CACNA2D3: variants seen among roughly 807,000 people sequenced by gnomAD.
CACNA2D3 encodes voltage-dependent calcium channel subunit alpha-2/delta-3.
Under a neutral mutation model 160.6 loss-of-function variants are expected in CACNA2D3, and 60 were observed. The ratio of observed to expected loss-of-function variants is 0.37; its 90% confidence interval spans 0.30 to 0.46. CACNA2D3 has a LOEUF of 0.46. Ranked by LOEUF, CACNA2D3 falls within the 20% of genes least tolerant of loss-of-function variation. The pLI is 1.00. For synonymous variants in CACNA2D3, 558 were observed against 492.9 expected, an observed-to-expected ratio of 1.13 and a Z score of -1.75; for missense variants, 1,205 against 1,365.0, an observed-to-expected ratio of 0.88 and a Z score of 1.85.
At chr3:54,792,533 G>A (rs1354365012) in intron 13 of CACNA2D3, among the ~76,000 whole-genome samples, 3 of 152,172 alleles carry the variant, frequency 2.0e-5, no homozygotes, top group Admixed American at 1.3e-4. Flanking sequence ...AATGCTGTCA[G>A]GAATCTGCCT....
intron 2 of CACNA2D3, among the ~76,000 whole-genome samples, chr3:54,158,869 T>C (rs900929607): frequency 9.2e-5 from 14 of 152,262 alleles, no homozygotes; most frequent in Non-Finnish European, 1.0e-4. Context: ...TCATTTGTCC[T>C]ACCTCTGTGC....
intron 4 of CACNA2D3, among the ~76,000 whole-genome samples, chr3:54,443,131 C>T (rs1384856010): frequency 6.6e-6 from 1 of 152,194 alleles, no homozygotes; most frequent in Non-Finnish European, 1.5e-5. Flanking sequence ...CAAAGGGAAA[C>T]TCTTGCAGAA....
intron 3 of CACNA2D3, among the ~76,000 whole-genome samples, chr3:54,324,678 C>T (rs993807174): frequency 2.0e-5 from 3 of 152,108 alleles, no homozygotes; most frequent in Non-Finnish European, 4.4e-5. Context: ...CTTCATTGTT[C>T]AGACATATTT....
At chr3:55,055,995 A>G (rs188301441) in intron 35 of CACNA2D3, among the ~76,000 whole-genome samples, 1 of 152,300 alleles carries the variant, frequency 6.6e-6, no homozygotes, top group East Asian at 1.9e-4. Flanking sequence ...GAAACAATTA[A>G]CAGTGTGAAT....
At position 54,246,567 on chromosome 3, in the gene CACNA2D3, TC is replaced by T. The variant is rs1702083720; in HGVS notation, c.205-73874del. Among the ~76,000 whole-genome samples the T allele has an allele frequency of 2.9e-3, 6 of 2,040 alleles. No individual in the cohort carries two copies. The African/African-American group carries it at 0.033, about 11-fold the overall frequency. The allele number at this position is 2,040 out of a possible 152,430, so 1.3% of individuals were successfully genotyped here. A position where few individuals can be genotyped will look rare whatever the true frequency, so the allele number is the denominator to read the frequency against. On this transcript the variant is annotated intron_variant, in intron 2 of 37. Transcript: ENST00000474759. ...AATTAGCCGGGCGTGGTTGCGGCTGTCTGTAATCCCAGCTACTTGGGAGGCG... is the reference window on the plus strand; with the variant it reads ...AATTAGCCGGGCGTGGTTGCGGCTGTTGTAATCCCAGCTACTTGGGAGGCG...
intron 35 of CACNA2D3, among the ~76,000 whole-genome samples, chr3:55,039,657 C>T (rs566209429): frequency 2.0e-5 from 3 of 152,310 alleles, no homozygotes; most frequent in South Asian, 4.1e-4. Flanking sequence ...CAAGATATTA[C>T]AGGCTTATTT....
intron 11 of CACNA2D3, among the ~76,000 whole-genome samples, chr3:54,726,089 A>G (rs1701270118): frequency 6.6e-6 from 1 of 152,236 alleles, no homozygotes. Flanking sequence ...CAATGTGCAG[A>G]AATCACAAGC....
At chr3:54,380,776 T>G (rs1699090694) in intron 3 of CACNA2D3, among the ~76,000 whole-genome samples, 1 of 152,158 alleles carries the variant, frequency 6.6e-6, no homozygotes, top group African/African-American at 2.4e-5. Flanking sequence ...AGGGTAACAG[T>G]TCAACCATGC....
Position 54,992,543 on chromosome 3 carries a change from TTC to T in CACNA2D3, c.2690+4794_2690+4795del, listed in dbSNP as rs200892357. Among the ~76,000 whole-genome samples the T allele has an allele frequency of 3.3e-3, 500 of 152,220 alleles. 2 individuals carry two copies. Among genetic ancestry groups the T allele is most frequent in the African/African-American group, 0.012 (479 of 41,544 alleles). On this transcript the variant is annotated intron_variant, in intron 31 of 37. Coordinates refer to ENST00000474759, the MANE Select transcript of CACNA2D3 (RefSeq NM_018398.3). Reference sequence around the variant, plus strand: ...CCTCTCTGATCCACAACTTCTACCTTTCTCTGTTTCCTCTGTTCTTTCTCCTC... The same window carrying T: ...CCTCTCTGATCCACAACTTCTACCTTTCTGTTTCCTCTGTTCTTTCTCCTC...
chr3:54,546,714 GCACA>G (rs757778674), intron 5 of CACNA2D3, among the ~76,000 whole-genome samples: 1 of 31,198 alleles, frequency 3.2e-5, no homozygotes, highest in African/African-American at 6.9e-5. Flanking sequence ...ACACACGCGC[GCACA>G]CACACACACA....
chr3:55,043,321 CCTCT>C (rs903753449), intron 35 of CACNA2D3, among the ~76,000 whole-genome samples: 1 of 148,414 alleles, frequency 6.7e-6, no homozygotes, highest in Non-Finnish European at 1.5e-5. Context: ...TCCCTCCCTC[CCTCT>C]CTTTCTTTCT....
intron 2 of CACNA2D3, among the ~76,000 whole-genome samples, chr3:54,289,606 C>G (rs569851353): frequency 1.6e-4 from 25 of 152,188 alleles, no homozygotes; most frequent in Non-Finnish European, 3.5e-4. Flanking sequence ...CCAAGTCAAT[C>G]CTACGCCGAA....
chr3:54,380,628 C>T (rs1699086127), intron 3 of CACNA2D3, among the ~76,000 whole-genome samples: 1 of 152,032 alleles, frequency 6.6e-6, no homozygotes, highest in South Asian at 2.1e-4. Context: ...GTCCCAGCCA[C>T]TCGGGAGGCC....
intron 27 of CACNA2D3, among the ~76,000 whole-genome samples, chr3:54,909,641 T>C (rs1298421309): frequency 7.1e-6 from 1 of 141,684 alleles, no homozygotes; most frequent in Non-Finnish European, 1.5e-5. Flanking sequence ...ATTTTTTTTG[T>C]GATTTTTTTT....
intron 35 of CACNA2D3, among the ~76,000 whole-genome samples, chr3:55,055,192 G>A (rs1418465591): frequency 6.6e-6 from 1 of 152,044 alleles, no homozygotes; most frequent in East Asian, 1.9e-4. Flanking sequence ...ATAGTATCTG[G>A]TGTTACATGT....
chr3:54,146,594 A>G (rs551012976), intron 2 of CACNA2D3, among the ~76,000 whole-genome samples: 4 of 151,986 alleles, frequency 2.6e-5, no homozygotes, highest in Admixed American at 1.3e-4. Context: ...AATGTGGGGA[A>G]GGGGGGCGTG....
intron 3 of CACNA2D3, among the ~76,000 whole-genome samples, chr3:54,321,396 C>T (rs1703989528): frequency 6.6e-6 from 1 of 152,118 alleles, no homozygotes; most frequent in South Asian, 2.1e-4. Context: ...ATCCTCCCAC[C>T]TCAGTCTCCT....
intron 14 of CACNA2D3, among the ~76,000 whole-genome samples, chr3:54,830,450 CTTTT>C (rs35103723): frequency 2.9e-5 from 4 of 137,308 alleles, no homozygotes; most frequent in African/African-American, 1.1e-4. Flanking sequence ...CATTTAAATA[CTTTT>C]TTTTTTTTTT....
At chr3:55,019,423 TAAAC>T (rs1348563647) in intron 35 of CACNA2D3, among the ~76,000 whole-genome samples, 10 of 152,254 alleles carry the variant, frequency 6.6e-5, no homozygotes, top group Middle Eastern at 3.4e-3. Context: ...TTTTTTATAA[TAAAC>T]TAAGTATATG....
Sources: gnomAD v4.1 joint callset for allele counts (sites outside exome capture counted in the v4.1 genomes callset) on GRCh38, gnomAD v4.1.1 for gene constraint, MANE v1.5 for transcripts, NCBI Gene and HGNC (gene_info 2026-07-23, HGNC 2026-07-21) for gene names.